Variants in GNG7 observed in about 807,000 individuals in gnomAD.
The protein encoded by GNG7 is G protein subunit gamma 7, also known as guanine nucleotide-binding protein G(I)/G(S)/G(O) subunit gamma-7.
Under a neutral mutation model 4.0 loss-of-function variants are expected in GNG7, and 1 was observed. The observed-to-expected ratio is 0.25, with a 90% CI of 0.09 to 1.18. The LOEUF is 1.18. Ranked by LOEUF, GNG7 falls within the 50% of genes most tolerant of loss-of-function variation. The probability of loss-of-function intolerance (pLI) is 0.50; values close to 1 mark genes in which losing one functional copy is unlikely to be tolerated. For synonymous variants in GNG7, 34 were observed against 36.9 expected, an observed-to-expected ratio of 0.92 and a Z score of 0.29; for missense variants, 86 against 91.9, an observed-to-expected ratio of 0.94 and a Z score of 0.26.
At chr19:2,583,460 G>C (rs10405974) in intron 2 of GNG7, among the ~76,000 whole-genome samples, 56,568 of 151,966 alleles carry the variant, frequency 0.37, 12,237 homozygotes, top group African/African-American at 0.58. Context: ...TCTCACCTTC[G>C]ACTGCCCCAC....
chr19:2,559,627 G>A (rs1979675153), intron 2 of GNG7, among the ~76,000 whole-genome samples: 1 of 152,094 alleles, frequency 6.6e-6, no homozygotes, highest in Non-Finnish European at 1.5e-5. Flanking sequence ...CGATTCTCCT[G>A]CCTCAGCCTC....
In GNG7 at chr19:2,633,983, G is replaced by A. The variant is rs1982240329; in HGVS notation, c.-78+12241C>T. ...CGAGTTGAGACCCCCTGGGATAGGG[G>A]ATTCCACGGACCCCCAAGAGACTCC... On this transcript the variant is annotated intron_variant, in intron 2 of 4. Coordinates refer to ENST00000382159, the MANE Select transcript of GNG7 (RefSeq NM_052847.3). The surrounding 1 kb of genome is among the most constrained non-coding windows in gnomAD (Gnocchi z 5.9). Among the ~76,000 whole-genome samples the A allele has an allele frequency of 6.6e-6, 1 of 152,230 alleles. No homozygotes were observed. Among genetic ancestry groups the A allele is most frequent in the Non-Finnish European group, 1.5e-5 (1 of 68,006 alleles).
intron 1 of GNG7, among the ~76,000 whole-genome samples, chr19:2,671,822 C>T (rs973417995): frequency 3.3e-5 from 5 of 151,448 alleles, no homozygotes; most frequent in Admixed American, 1.3e-4. Flanking sequence ...GAGGCCGAGG[C>T]GGGTGGATCA....
intron 2 of GNG7, among the ~76,000 whole-genome samples, chr19:2,594,142 G>A (rs575356700): frequency 4.6e-5 from 7 of 152,140 alleles, no homozygotes; most frequent in East Asian, 1.9e-4. Context: ...AGGCCAAGAC[G>A]GGCGGATCAC....
At chr19:2,675,651 A>G (rs1983575226) in intron 1 of GNG7, among the ~76,000 whole-genome samples, 1 of 152,166 alleles carries the variant, frequency 6.6e-6, no homozygotes, top group South Asian at 2.1e-4. Flanking sequence ...AGAAAAACAT[A>G]TGAAAACAGA....
chr19:2,695,686 C>G (rs1288239446), intron 1 of GNG7, among the ~76,000 whole-genome samples: 1 of 151,892 alleles, frequency 6.6e-6, no homozygotes, highest in Admixed American at 6.6e-5. Flanking sequence ...GGGGTGCCAT[C>G]ATGTGGGTGC....
At chr19:2,659,121 C>T (rs1983072679) in intron 1 of GNG7, among the ~76,000 whole-genome samples, 2 of 152,096 alleles carry the variant, frequency 1.3e-5, no homozygotes, top group Middle Eastern at 3.4e-3. Flanking sequence ...AGGCGCCCGC[C>T]ACCACACCTG....
At chr19:2,682,960 C>T (rs528945397) in intron 1 of GNG7, among the ~76,000 whole-genome samples, 85 of 152,136 alleles carry the variant, frequency 5.6e-4, no homozygotes, top group African/African-American at 2.0e-3. Flanking sequence ...CGGCAGGACA[C>T]GGTGGCTCAC....
intron 2 of GNG7, among the ~76,000 whole-genome samples, chr19:2,596,972 G>C (rs1981040602): frequency 6.6e-6 from 1 of 151,476 alleles, no homozygotes. Flanking sequence ...AATTTCACAG[G>C]TATAGGCTGG....
chr19:2,571,888 G>A (rs1358275205), intron 2 of GNG7, among the ~76,000 whole-genome samples: 6 of 152,000 alleles, frequency 3.9e-5, no homozygotes, highest in South Asian at 2.1e-4. Context: ...GAGCCACTGC[G>A]CCCGGCCAGT....
chr19:2,641,013 A>C, intron 2 of GNG7, among the ~76,000 whole-genome samples: 1 of 152,190 alleles, frequency 6.6e-6, no homozygotes, highest in East Asian at 1.9e-4. Flanking sequence ...GAGAAACTTA[A>C]GTCTATGAAA....
chr19:2,686,652 A>C (rs1268621037), intron 1 of GNG7, among the ~76,000 whole-genome samples: 3 of 152,180 alleles, frequency 2.0e-5, no homozygotes, highest in Non-Finnish European at 4.4e-5. Flanking sequence ...TTTGCCGCCA[A>C]GATGGGGAAG....
chr19:2,514,871 A>G lies in GNG7; in HGVS notation c.*151T>C, dbSNP rs528295391. 115 of 638,056 alleles carry G rather than the reference A, an allele frequency of 1.8e-4. 1 individual carries two copies. Among genetic ancestry groups the G allele is most frequent in the South Asian group, 1.5e-3 (77 of 50,054 alleles). The allele number at this position is 638,056 out of a possible 1,614,324, so 39.5% of individuals were successfully genotyped here. ...TGGGAACGCCTTTTTTGGCGGGGAGAGGGGGGATTTCTTTTGGAATTAAAG... is the reference window on the plus strand; with the variant it reads ...TGGGAACGCCTTTTTTGGCGGGGAGGGGGGGGATTTCTTTTGGAATTAAAG... On this transcript the variant is annotated 3_prime_UTR_variant, in exon 5 of 5. Transcript: ENST00000382159.
chr19:2,624,164 C>T (rs116348966), intron 2 of GNG7, among the ~76,000 whole-genome samples: 1,984 of 152,054 alleles, frequency 0.013, 47 homozygotes, highest in African/African-American at 0.045. Context: ...GTGCTTAATG[C>T]CACTGAACTG....
intron 1 of GNG7, among the ~76,000 whole-genome samples, chr19:2,656,040 AAAAG>A (rs1272826619): frequency 5.4e-5 from 6 of 111,820 alleles, no homozygotes; most frequent in Admixed American, 1.7e-4. Context: ...AAAAAAAAAA[AAAAG>A]AAAGAAAGAA....
At chr19:2,589,682 C>T (rs1160984198) in intron 2 of GNG7, among the ~76,000 whole-genome samples, 3 of 152,160 alleles carry the variant, frequency 2.0e-5, no homozygotes, top group African/African-American at 4.8e-5. Flanking sequence ...AGGCCCTGCG[C>T]GTAGGGGGTT....
intron 1 of GNG7, among the ~76,000 whole-genome samples, chr19:2,661,222 A>G (rs1404647519): frequency 6.7e-6 from 1 of 148,454 alleles, no homozygotes; most frequent in East Asian, 2.0e-4. Flanking sequence ...AAAAAAAAAA[A>G]AAAGAAAAGG....
intron 3 of GNG7, among the ~76,000 whole-genome samples, chr19:2,552,609 T>C (rs1480650417): frequency 6.6e-6 from 1 of 151,510 alleles, no homozygotes; most frequent in Non-Finnish European, 1.5e-5. Flanking sequence ...AGTCTCGAAC[T>C]CCTGACCTCA....
chr19:2,522,358 A>G (rs1051627274), intron 3 of GNG7, among the ~76,000 whole-genome samples: 10 of 152,130 alleles, frequency 6.6e-5, no homozygotes, highest in African/African-American at 2.4e-4. Context: ...TGAGCAGTTA[A>G]TTAAGCCGCA....
Sources: gnomAD v4.1 joint callset for allele counts (sites outside exome capture counted in the v4.1 genomes callset) on GRCh38, gnomAD v4.1.1 for gene constraint, Gnocchi (gnomAD v3.1) non-coding constraint, MANE v1.5 for transcripts, NCBI Gene and HGNC (gene_info 2026-07-23, HGNC 2026-07-21) for gene names.